Variants in HYAL4 observed in about 807,000 individuals in gnomAD.
HYAL4 encodes the protein hyaluronidase-4.
A neutral mutation model predicts 35.2 loss-of-function variants in HYAL4; 37 were observed. That is an observed-to-expected ratio of 1.05 (90% CI 0.81 to 1.38). The LOEUF is 1.38. HYAL4 is among the 40% of genes most tolerant of loss of function. The pLI is 0.00. For missense variants in HYAL4, 572 were observed against 572.4 expected, an observed-to-expected ratio of 1.00 and a Z score of 0.01; for synonymous variants, 198 against 203.2, an observed-to-expected ratio of 0.97 and a Z score of 0.22.
In HYAL4 at chr7:123,876,911, A is replaced by G. The variant is rs1312644872; in HGVS notation, c.1202A>G (p.Asn401Ser). ...MWNAPSYLHL[N>S]PASYHIEASE... is the part of the protein sequence containing the mutation. The stretch of plus-strand genomic sequence containing the variant: ...AACGCGCCCAGTTACCTTCACTTGA[A>G]CCCTGCAAGTTACCACATAGAGGCC... Residue 401 changes from asparagine to serine, a missense_variant, in exon 5 of 5, where the codon AAC (asparagine) becomes AGC (serine). Coordinates refer to ENST00000223026, the MANE Select transcript of HYAL4 (RefSeq NM_012269.3). 2 of 1,613,968 alleles carry G rather than the reference A, an allele frequency of 1.2e-6. No homozygotes were observed. Among genetic ancestry groups the G allele is most frequent in the African/African-American group, 2.7e-5 (2 of 74,894 alleles).
rs1262534488 is a variant in HYAL4, at chr7:123,846,790, A to G, written c.-122+1105A>G. On this transcript the variant is annotated intron_variant, in intron 1 of 4. Coordinates refer to ENST00000223026, the MANE Select transcript of HYAL4 (RefSeq NM_012269.3). ...TGAGACAAGGCAGAAATAGCTTCCC[A>G]GGGGACTCAGAGAGTCCACAGGGCT... Among the ~76,000 whole-genome samples, 4 of 152,156 alleles carry G rather than the reference A, an allele frequency of 2.6e-5. No homozygotes were observed. In the East Asian group the frequency reaches 7.7e-4, roughly 29 times the overall value.
intron 2 of HYAL4, among the ~76,000 whole-genome samples, chr7:123,864,154 A>T (rs1806637620): frequency 1.3e-5 from 2 of 152,334 alleles, no homozygotes; most frequent in East Asian, 3.9e-4. Flanking sequence ...ACATAGTAGC[A>T]GCTAAACCTT....
At chr7:123,875,539 C>A (rs1259285587) in intron 4 of HYAL4, among the ~76,000 whole-genome samples, 1 of 151,698 alleles carries the variant, frequency 6.6e-6, no homozygotes, top group African/African-American at 2.4e-5. Flanking sequence ...TGCCTGTAAT[C>A]CCAGCTGCTC....
At chr7:123,765,651 T>C in the HYAL4 span, among the ~76,000 whole-genome samples, 1 of 152,218 alleles carries the variant, frequency 6.6e-6, no homozygotes, top group Admixed American at 6.5e-5. Context: ...AATATTTATT[T>C]TATCAGAAAT....
chr7:123,844,896 G>A (rs1434380684), upstream of HYAL4, among the ~76,000 whole-genome samples: 1 of 152,052 alleles, frequency 6.6e-6, no homozygotes, highest in Non-Finnish European at 1.5e-5. Flanking sequence ...GCACTATTTT[G>A]GTGGGAGTGT....
rs150552069 is a variant in HYAL4, at chr7:123,875,093, T to G, written c.1044+243T>G. Among the ~76,000 whole-genome samples the G allele has an allele frequency of 4.4e-3, 673 of 152,276 alleles. 11 individuals carry two copies. The highest frequency in any genetic ancestry group is 0.015 in the African/African-American group (634 of 41,568). On this transcript the variant is annotated intron_variant, in intron 4 of 4. Transcript: ENST00000223026. ...GTGCTAAGAGATTTTTTGAGTCGGA[T>G]TTGCTCACTTACTGGTCATATGAGG...
chr7:123,795,542 G>A, the HYAL4 span, among the ~76,000 whole-genome samples: 1 of 152,126 alleles, frequency 6.6e-6, no homozygotes, highest in East Asian at 1.9e-4. Flanking sequence ...ATGATAGTGA[G>A]TTCTCACAAG....
At chr7:123,777,055 C>T in the HYAL4 span, among the ~76,000 whole-genome samples, 1 of 152,070 alleles carries the variant, frequency 6.6e-6, no homozygotes. Context: ...TCACCAAATT[C>T]AAGTAATTAC....
At chr7:123,766,248 G>A in the HYAL4 span, among the ~76,000 whole-genome samples, 1 of 152,006 alleles carries the variant, frequency 6.6e-6, no homozygotes, top group Non-Finnish European at 1.5e-5. Flanking sequence ...ATTACCAAAA[G>A]CCTTTTACTT....
At chr7:123,801,579 C>T in the HYAL4 span, among the ~76,000 whole-genome samples, 2 of 152,120 alleles carry the variant, frequency 1.3e-5, no homozygotes, top group African/African-American at 4.8e-5. Flanking sequence ...TATTTCTAAG[C>T]AGTTTAAACG....
upstream of HYAL4, among the ~76,000 whole-genome samples, chr7:123,842,441 T>C (rs575205582): frequency 2.6e-5 from 4 of 152,182 alleles, no homozygotes; most frequent in South Asian, 8.3e-4. Flanking sequence ...TTAGAATAAG[T>C]GCGATGTGGT....
chr7:123,826,751 T>C (rs1433896516), upstream of HYAL4, among the ~76,000 whole-genome samples: 1 of 152,114 alleles, frequency 6.6e-6, no homozygotes, highest in East Asian at 1.9e-4. Flanking sequence ...GAACAGATTG[T>C]GGAGACTAGT....
At chr7:123,856,172 TA>T (rs932520153) in intron 2 of HYAL4, among the ~76,000 whole-genome samples, 9 of 152,052 alleles carry the variant, frequency 5.9e-5, no homozygotes, top group African/African-American at 2.2e-4. Flanking sequence ...AGGAGTTTGT[TA>T]TTACCCACCT....
At chr7:123,823,729 TTA>T in the HYAL4 span, among the ~76,000 whole-genome samples, 74,519 of 145,874 alleles carry the variant, frequency 0.51, 19,863 homozygotes, top group African/African-American at 0.67. Flanking sequence ...CATATATATT[TTA>T]TATATATATA....
chr7:123,807,597 C>T, the HYAL4 span, among the ~76,000 whole-genome samples: 2 of 151,582 alleles, frequency 1.3e-5, no homozygotes, highest in South Asian at 2.1e-4. Flanking sequence ...TGTGCTGCCA[C>T]GCCTGGCTAA....
At chr7:123,798,952 A>C in the HYAL4 span, among the ~76,000 whole-genome samples, 2 of 152,170 alleles carry the variant, frequency 1.3e-5, no homozygotes, top group Non-Finnish European at 2.9e-5. Flanking sequence ...AGAGCCTTGA[A>C]GGAAATGGGG....
Position 123,853,639 on chromosome 7 carries a change from T to C in HYAL4, c.-52+5481T>C, listed in dbSNP as rs547460730. 7.2e-5 allele frequency among the ~76,000 whole-genome samples: 11 copies of C among 152,320 alleles called. No individual in the cohort carries two copies. The East Asian group carries it at 9.6e-4, about 13-fold the overall frequency. On this transcript the variant is annotated intron_variant, in intron 2 of 4. Coordinates refer to ENST00000223026, the MANE Select transcript of HYAL4 (RefSeq NM_012269.3). ...CTGGATTCAGTTTGCCAGTATTTTA[T>C]TGAGAGTTTTTGCATCTATGTTCAT... is the stretch of plus-strand genomic sequence containing the variant.
At position 123,868,249 on chromosome 7, in the gene HYAL4, G is replaced by T; in HGVS notation, c.-25G>T. 1 of 1,379,278 alleles carries T rather than the reference G, an allele frequency of 7.3e-7. No individual in the cohort carries two copies. The highest frequency in any genetic ancestry group is 9.8e-7 in the Non-Finnish European group (1 of 1,020,684). 85.4% of individuals were successfully genotyped at this position (1,379,278 alleles called of 1,614,324 possible). A position where few individuals can be genotyped will look rare whatever the true frequency, so the allele number is the denominator to read the frequency against. On this transcript the variant is annotated 5_prime_UTR_variant, in exon 3 of 5. Transcript: ENST00000223026. ...TCTTCTAGAGTGCACTAAAGCAGAA[G>T]ATAACGTAACATTTTTATCTTACCA...
the HYAL4 span, among the ~76,000 whole-genome samples, chr7:123,792,528 TA>T: frequency 6.6e-6 from 1 of 152,198 alleles, no homozygotes; most frequent in African/African-American, 2.4e-5. Context: ...ACATATATAA[TA>T]ATAGTCCAAA....
Sources: gnomAD v4.1 joint callset for allele counts (sites outside exome capture counted in the v4.1 genomes callset) on GRCh38, gnomAD v4.1.1 for gene constraint, MANE v1.5 for transcripts, NCBI Gene and HGNC (gene_info 2026-07-23, HGNC 2026-07-21) for gene names.